The following CHCHD6 variants were observed in gnomAD, a reference collection of about 807,000 sequenced individuals.
CHCHD6 encodes MICOS complex subunit MIC25.
In CHCHD6, 28 loss-of-function variants were observed where a neutral mutation model predicts 32.3. The ratio of observed to expected loss-of-function variants is 0.87; its 90% CI spans 0.64 to 1.19. The LOEUF is 1.19. CHCHD6 is among the 50% of genes most tolerant of loss of function. The probability of loss-of-function intolerance (pLI) is 0.00; values close to 1 mark genes in which losing one functional copy is unlikely to be tolerated. For missense variants in CHCHD6, 333 were observed against 307.0 expected (o/e 1.08, Z -0.63); for synonymous variants, 122 against 117.5 (o/e 1.04, Z -0.25).
At chr3:126,920,973 T>C (rs1416154064) in intron 6 of CHCHD6, among the ~76,000 whole-genome samples, 1 of 152,162 alleles carries the variant, frequency 6.6e-6, no homozygotes, top group Non-Finnish European at 1.5e-5. Context: ...TTAATTTTTT[T>C]TTCCCTCGGG....
At chr3:126,836,452 C>T (rs994034034) in intron 4 of CHCHD6, among the ~76,000 whole-genome samples, 12 of 152,150 alleles carry the variant, frequency 7.9e-5, no homozygotes, top group Non-Finnish European at 1.3e-4. Flanking sequence ...CTCTCTGGAC[C>T]GCCACTCTGT....
At chr3:126,777,711 A>G (rs1937716316) in intron 4 of CHCHD6, among the ~76,000 whole-genome samples, 1 of 152,246 alleles carries the variant, frequency 6.6e-6, no homozygotes, top group South Asian at 2.1e-4. Flanking sequence ...CATTGAGAGG[A>G]ATGGCAATTG....
At chr3:126,733,338 G>A (rs1045900064) in intron 4 of CHCHD6, 116 bp downstream of exon 4, 2 of 972,910 alleles carry the variant, frequency 2.1e-6, no homozygotes, top group Non-Finnish European at 3.1e-6. Flanking sequence ...CTGCCCCTGG[G>A]ATGTGCTCGG....
At chr3:126,742,430 C>T (rs1374881222) in intron 4 of CHCHD6, among the ~76,000 whole-genome samples, 1 of 152,170 alleles carries the variant, frequency 6.6e-6, no homozygotes, top group East Asian at 1.9e-4. Flanking sequence ...TTCTTGTTTC[C>T]TGTCCACTTC....
At chr3:126,930,933 T>C (rs546117687) in intron 6 of CHCHD6, among the ~76,000 whole-genome samples, 205 of 152,364 alleles carry the variant, frequency 1.3e-3, no homozygotes, top group African/African-American at 4.6e-3. Flanking sequence ...GGGCTGGCTC[T>C]TGGGAGCGCC....
intron 6 of CHCHD6, among the ~76,000 whole-genome samples, chr3:126,933,755 T>C (rs555416008): frequency 4.5e-4 from 69 of 152,344 alleles, no homozygotes; most frequent in African/African-American, 1.6e-3. Context: ...GAGACTGAAA[T>C]ATCCAAACCA....
intron 4 of CHCHD6, among the ~76,000 whole-genome samples, chr3:126,786,152 T>C (rs1372921963): frequency 3.3e-5 from 5 of 152,230 alleles, no homozygotes; most frequent in Non-Finnish European, 7.3e-5. Flanking sequence ...ATAAAGGACA[T>C]GAATTCATCA....
At chr3:126,824,821 C>T (rs994319518) in intron 4 of CHCHD6, among the ~76,000 whole-genome samples, 10 of 151,934 alleles carry the variant, frequency 6.6e-5, no homozygotes, top group Non-Finnish European at 1.0e-4. Context: ...TCAGGTGATC[C>T]GCCCACCTCA....
At chr3:126,849,447 G>A (rs1941396848) in intron 4 of CHCHD6, among the ~76,000 whole-genome samples, 1 of 152,216 alleles carries the variant, frequency 6.6e-6, no homozygotes, top group African/African-American at 2.4e-5. Context: ...TTGGAGTAGG[G>A]TAGAGGCATC....
chr3:126,822,270 A>G (rs946476611), intron 4 of CHCHD6, among the ~76,000 whole-genome samples: 2 of 152,248 alleles, frequency 1.3e-5, no homozygotes, highest in Admixed American at 6.5e-5. Context: ...AGTTTATTTC[A>G]TTTGCATATA....
chr3:126,863,242 A>G (rs1203621481), intron 5 of CHCHD6, among the ~76,000 whole-genome samples: 1 of 130,258 alleles, frequency 7.7e-6, no homozygotes, highest in Non-Finnish European at 1.6e-5. Context: ...CTCCTCCACC[A>G]TCACCACCTC....
At chr3:126,730,213 A>G (rs2860057) in intron 2 of CHCHD6, among the ~76,000 whole-genome samples, 141,120 of 151,874 alleles carry the variant, frequency 0.93, 65,657 homozygotes, top group East Asian at 1. Flanking sequence ...GCAAAGCAAT[A>G]CCTTCCCGCA....
chr3:126,874,813 G>A (rs749783565), intron 5 of CHCHD6, among the ~76,000 whole-genome samples: 4 of 152,100 alleles, frequency 2.6e-5, no homozygotes, highest in Non-Finnish European at 5.9e-5. Context: ...TGCTCAGAAG[G>A]ATGGTCCCCA....
At chr3:126,748,177 T>C (rs1936581767) in intron 4 of CHCHD6, among the ~76,000 whole-genome samples, 1 of 152,206 alleles carries the variant, frequency 6.6e-6, no homozygotes, top group African/African-American at 2.4e-5. Context: ...AATAGACCTT[T>C]CCCAAGCAGC....
At chr3:126,955,104 A>G (rs1227485290) in intron 6 of CHCHD6, among the ~76,000 whole-genome samples, 1 of 152,244 alleles carries the variant, frequency 6.6e-6, no homozygotes, top group Non-Finnish European at 1.5e-5. Flanking sequence ...ACGAAATGCC[A>G]TGAGGCCAGC....
chr3:126,781,203 A>G (rs1440027649), intron 4 of CHCHD6, among the ~76,000 whole-genome samples: 1 of 152,174 alleles, frequency 6.6e-6, no homozygotes, highest in Non-Finnish European at 1.5e-5. Flanking sequence ...GGAGCTTTAG[A>G]GGGGAGTGGC....
At chr3:126,752,186 A>C (rs1576372849) in intron 4 of CHCHD6, among the ~76,000 whole-genome samples, 1 of 152,172 alleles carries the variant, frequency 6.6e-6, no homozygotes, top group African/African-American at 2.4e-5. Context: ...GTGGGGAAGA[A>C]GGCCAGGCTC....
intron 4 of CHCHD6, among the ~76,000 whole-genome samples, chr3:126,793,360 C>T (rs898263918): frequency 2.6e-5 from 4 of 152,028 alleles, no homozygotes; most frequent in Non-Finnish European, 4.4e-5. Flanking sequence ...TTTAATTAAT[C>T]AGAAGCGTTT....
chr3:126,883,561 T>C (rs1285550327), intron 5 of CHCHD6, among the ~76,000 whole-genome samples: 5 of 152,180 alleles, frequency 3.3e-5, no homozygotes, highest in Non-Finnish European at 5.9e-5. Flanking sequence ...TTTGAGTTTT[T>C]CCAGACACAG....
Sources: gnomAD v4.1 joint callset for allele counts (sites outside exome capture counted in the v4.1 genomes callset) on GRCh38, gnomAD v4.1.1 for gene constraint, MANE v1.5 for transcripts, NCBI Gene and HGNC (gene_info 2026-07-23, HGNC 2026-07-21) for gene names.